Variants in ADAM18 observed in about 807,000 individuals in gnomAD.
The protein encoded by ADAM18 is ADAM metallopeptidase domain 18.
ADAM18 carries 117 observed loss-of-function variants against 94.4 expected under a neutral mutation model. The ratio of observed to expected loss-of-function variants is 1.24; its 90% CI spans 1.07 to 1.45. The LOEUF (loss-of-function observed/expected upper bound fraction) is 1.45, where lower values mean the gene tolerates loss of function less well. Among genes scored for constraint, ADAM18 ranks in the 40% most tolerant of loss-of-function variants. The pLI, the probability that ADAM18 is intolerant of heterozygous loss-of-function variation, is 0.00. For missense variants in ADAM18, 936 were observed against 880.0 expected, an observed-to-expected ratio of 1.06 and a Z score of -0.81; for synonymous variants, 327 against 291.6, an observed-to-expected ratio of 1.12 and a Z score of -1.24.
chr8:39,661,975 T>C (rs1326263301), intron 12 of ADAM18, among the ~76,000 whole-genome samples: 2 of 150,684 alleles, frequency 1.3e-5, no homozygotes, highest in African/African-American at 2.4e-5. Context: ...AGATATCATA[T>C]AAAATCTGTT....
intron 10 of ADAM18, among the ~76,000 whole-genome samples, chr8:39,638,993 T>C (rs543101533): frequency 1.3e-3 from 191 of 151,920 alleles, no homozygotes; most frequent in Non-Finnish European, 2.0e-3. Flanking sequence ...AATTTGTATA[T>C]TGATAAAACT....
chr8:39,709,533 C>A (rs1822338063), intron 18 of ADAM18, among the ~76,000 whole-genome samples: 1 of 152,158 alleles, frequency 6.6e-6, no homozygotes, highest in Non-Finnish European at 1.5e-5. Flanking sequence ...GGGGACCTGC[C>A]TTTTTCTGCC....
intron 15 of ADAM18, among the ~76,000 whole-genome samples, chr8:39,679,061 G>T (rs530193970): frequency 7.2e-5 from 11 of 152,138 alleles, no homozygotes; most frequent in African/African-American, 2.6e-4. Context: ...TCAAGACCTG[G>T]GAAAGTAGAA....
intron 16 of ADAM18, among the ~76,000 whole-genome samples, chr8:39,691,094 C>G (rs938199407): frequency 6.6e-6 from 1 of 152,022 alleles, no homozygotes; most frequent in Non-Finnish European, 1.5e-5. Context: ...GGAAATAATG[C>G]AAGAACCAGA....
At chr8:39,627,287 A>G (rs1819798788) in intron 6 of ADAM18, among the ~76,000 whole-genome samples, 1 of 152,080 alleles carries the variant, frequency 6.6e-6, no homozygotes, top group African/African-American at 2.4e-5. Context: ...GACATCTTAC[A>G]TGTCAGCAGG....
intron 13 of ADAM18, among the ~76,000 whole-genome samples, chr8:39,666,632 A>G (rs1397681866): frequency 6.6e-6 from 1 of 152,202 alleles, no homozygotes; most frequent in Non-Finnish European, 1.5e-5. Flanking sequence ...GTGGAAGGTG[A>G]AAGGCACATC....
At chr8:39,694,333 A>T (rs796081632) in intron 17 of ADAM18, among the ~76,000 whole-genome samples, 106 of 151,338 alleles carry the variant, frequency 7.0e-4, no homozygotes, top group African/African-American at 2.3e-3. Context: ...GCATCTATTG[A>T]CTTTACTCTA....
intron 2 of ADAM18, among the ~76,000 whole-genome samples, chr8:39,585,961 G>T (rs1161458725): frequency 2.0e-5 from 3 of 152,100 alleles, no homozygotes; most frequent in Admixed American, 2.0e-4. Context: ...ACCTGAAATT[G>T]ACAGATTTAA....
intron 19 of ADAM18, among the ~76,000 whole-genome samples, chr8:39,724,801 C>G (rs547171609): frequency 4.0e-5 from 6 of 151,794 alleles, no homozygotes; most frequent in Admixed American, 6.6e-5. Flanking sequence ...GTGAATTCTT[C>G]CCTTGGACTC....
At chr8:39,611,341 GT>G in intron 6 of ADAM18, 3 of 705,344 alleles carry the variant, frequency 4.3e-6, no homozygotes, top group Middle Eastern at 7.3e-4. Context: ...ATCTCTTTGT[GT>G]TTACCATACT....
chr8:39,710,094 G>A (rs896177007), intron 18 of ADAM18, among the ~76,000 whole-genome samples: 1 of 152,258 alleles, frequency 6.6e-6, no homozygotes, highest in East Asian at 1.9e-4. Context: ...GGATGATACA[G>A]TTGTGTAGAG....
At chr8:39,724,138 G>T (rs947693061) in intron 19 of ADAM18, among the ~76,000 whole-genome samples, 4 of 151,644 alleles carry the variant, frequency 2.6e-5, no homozygotes, top group Non-Finnish European at 5.9e-5. Context: ...CTGTACCAAA[G>T]ACTTACTAGG....
At chr8:39,663,713 A>G in intron 12 of ADAM18, 82 bp from the exon 13 acceptor site, 1 of 848,554 alleles carries the variant, frequency 1.2e-6, no homozygotes, top group Admixed American at 2.2e-5. Context: ...ACACAACAGA[A>G]TATTAAATTG....
intron 11 of ADAM18, among the ~76,000 whole-genome samples, chr8:39,647,191 G>C (rs1039984829): frequency 6.8e-6 from 1 of 147,526 alleles, no homozygotes; most frequent in East Asian, 2.0e-4. Context: ...CTCAGCAAGA[G>C]GAATGCGGTA....
chr8:39,591,327 A>G (rs1035356754), intron 2 of ADAM18, among the ~76,000 whole-genome samples: 11 of 152,078 alleles, frequency 7.2e-5, no homozygotes, highest in Non-Finnish European at 1.6e-4. Context: ...GTTTGATAGC[A>G]TTTTACCCAC....
chr8:39,702,660 A>G (rs1434938659), intron 17 of ADAM18, among the ~76,000 whole-genome samples: 1 of 152,092 alleles, frequency 6.6e-6, no homozygotes, highest in African/African-American at 2.4e-5. Context: ...TGATTTTTGT[A>G]TATGGTGTAA....
In ADAM18 at chr8:39,723,895, C is replaced by T; in HGVS notation, c.2165C>T (p.Ala722Val). 1 of 1,535,338 alleles carries T rather than the reference C, an allele frequency of 6.5e-7. No individual in the cohort carries two copies. Among genetic ancestry groups the T allele is most frequent in the Non-Finnish European group, 8.8e-7 (1 of 1,134,268 alleles). ...EISKSCNREN[A>V]EYNRNSSVVS... The stretch of plus-strand genomic sequence containing the variant: ...AGTAAATCATGTAACAGAGAGAATG[C>T]AGAGTATAATCGGTAAATATGATAT... The change falls in exon 19 of 20, where the codon GCA (alanine) becomes GTA (valine). Residue 722 changes from alanine to valine, a missense_variant. Coordinates refer to ENST00000265707, the MANE Select transcript of ADAM18 (RefSeq NM_014237.3).
intron 12 of ADAM18, among the ~76,000 whole-genome samples, chr8:39,654,817 A>G (rs184635546): frequency 1.3e-5 from 2 of 152,164 alleles, no homozygotes; most frequent in Admixed American, 6.5e-5. Context: ...TTCTTCATAT[A>G]TCTGTTGTCA....
chr8:39,661,997 A>T (rs1462833964), intron 12 of ADAM18, among the ~76,000 whole-genome samples: 1 of 151,132 alleles, frequency 6.6e-6, no homozygotes, highest in African/African-American at 2.4e-5. Flanking sequence ...CTGTTATCTA[A>T]TAGGAACAGG....
Sources: gnomAD v4.1 joint callset for allele counts (sites outside exome capture counted in the v4.1 genomes callset) on GRCh38, gnomAD v4.1.1 for gene constraint, MANE v1.5 for transcripts, NCBI Gene and HGNC (gene_info 2026-07-23, HGNC 2026-07-21) for gene names.